NRG2: variants seen among roughly 807,000 people sequenced by gnomAD.
The protein encoded by NRG2 is neuregulin 2, also known as pro-neuregulin-2, membrane-bound isoform.
A neutral mutation model predicts 73.9 loss-of-function variants in NRG2; 27 were observed. The ratio of observed to expected loss-of-function variants is 0.37; its 90% confidence interval spans 0.27 to 0.50. The LOEUF (loss-of-function observed/expected upper bound fraction) is 0.50. Ranked by LOEUF, NRG2 falls within the 20% of genes least tolerant of loss-of-function variation. The pLI is 0.96. For synonymous variants in NRG2, 532 were observed against 541.0 expected (o/e 0.98, Z 0.23); for missense variants, 1,126 against 1,210.1 (o/e 0.93, Z 1.03).
intron 2 of NRG2, 52 bp from the exon 3 acceptor site, chr5:139,881,026 G>A: frequency 1.3e-6 from 2 of 1,505,828 alleles, no homozygotes; most frequent in South Asian, 2.3e-5. Flanking sequence ...GGCCGGCTGT[G>A]GCTCCCCAGC....
chr5:139,897,937 C>T (rs1764647191), intron 1 of NRG2, among the ~76,000 whole-genome samples: 1 of 152,236 alleles, frequency 6.6e-6, no homozygotes, highest in Non-Finnish European at 1.5e-5. Flanking sequence ...GGGCAGCCTC[C>T]TTCCATGAGA....
chr5:139,920,861 T>G (rs1247412881), intron 1 of NRG2, among the ~76,000 whole-genome samples: 1 of 152,168 alleles, frequency 6.6e-6, no homozygotes, highest in East Asian at 1.9e-4. Context: ...TCTGAGGAGG[T>G]ATCTGTTTCA....
chr5:139,899,152 G>A (rs1035987080), intron 1 of NRG2, among the ~76,000 whole-genome samples: 2 of 152,234 alleles, frequency 1.3e-5, no homozygotes, highest in Non-Finnish European at 2.9e-5. Flanking sequence ...TGACACTGAG[G>A]AGCTGGGTTA....
intron 1 of NRG2, among the ~76,000 whole-genome samples, chr5:140,021,986 T>C (rs1452494073): frequency 6.6e-6 from 1 of 152,202 alleles, no homozygotes; most frequent in Non-Finnish European, 1.5e-5. Context: ...CTTCTAATTC[T>C]ACATCTCCAG....
chr5:139,958,623 C>T (rs1754819006), intron 1 of NRG2, among the ~76,000 whole-genome samples: 1 of 151,992 alleles, frequency 6.6e-6, no homozygotes, highest in African/African-American at 2.4e-5. Context: ...TAGGCCATGA[C>T]CAAATATGGA....
intron 9 of NRG2, 69 bp from the exon 10 acceptor site, chr5:139,848,766 T>TGGGTGGG: frequency 2.9e-5 from 1 of 34,414 alleles, no homozygotes; most frequent in Non-Finnish European, 5.3e-5. Flanking sequence ...GGGTTGGGGG[T>TGGGTGGG]GGGGTAGGGT....
intron 1 of NRG2, among the ~76,000 whole-genome samples, chr5:139,908,744 G>T (rs56412075): frequency 0.041 from 6,259 of 152,262 alleles, 450 homozygotes; most frequent in African/African-American, 0.14. Context: ...ACCACTGGTC[G>T]CAAGACCTGC....
chr5:139,867,876 G>GGGGCAA, intron 4 of NRG2, among the ~76,000 whole-genome samples: 1 of 151,692 alleles, frequency 6.6e-6, no homozygotes, highest in African/African-American at 2.4e-5. Flanking sequence ...AGGGGCAGGA[G>GGGGCAA]GGGCAAGGGG....
At chr5:139,966,473 A>G (rs1755526314) in intron 1 of NRG2, among the ~76,000 whole-genome samples, 1 of 152,176 alleles carries the variant, frequency 6.6e-6, no homozygotes, top group South Asian at 2.1e-4. Flanking sequence ...CAGAGGTAAG[A>G]TCAGAGGACC....
intron 1 of NRG2, among the ~76,000 whole-genome samples, chr5:139,942,575 A>T (rs1174674367): frequency 2.0e-5 from 3 of 152,236 alleles, no homozygotes; most frequent in Admixed American, 1.3e-4. Context: ...AAACAATAAT[A>T]AATGGTCATT....
chr5:139,858,154 C>A (rs779871291), intron 5 of NRG2, among the ~76,000 whole-genome samples: 1 of 152,210 alleles, frequency 6.6e-6, no homozygotes, highest in African/African-American at 2.4e-5. Context: ...CTGAGGCCCC[C>A]GGCTGCTTGG....
intron 1 of NRG2, among the ~76,000 whole-genome samples, chr5:139,973,156 C>CAAAAAAAA (rs58053481): frequency 1.1e-5 from 1 of 89,420 alleles, no homozygotes; most frequent in Non-Finnish European, 2.3e-5. Context: ...TAAGAATATG[C>CAAAAAAAA]AAAAAAAAAA....
At chr5:139,983,706 T>C (rs1580873444) in intron 1 of NRG2, among the ~76,000 whole-genome samples, 2 of 152,242 alleles carry the variant, frequency 1.3e-5, no homozygotes, top group Admixed American at 6.5e-5. Context: ...CCTATTTTAA[T>C]AGGTGGGACT....
At chr5:139,857,943 C>T (rs1183892019) in intron 5 of NRG2, among the ~76,000 whole-genome samples, 2 of 151,960 alleles carry the variant, frequency 1.3e-5, no homozygotes, top group Non-Finnish European at 2.9e-5. Context: ...AGGATGGTGT[C>T]ACCTCTCATC....
chr5:139,996,149 G>A (rs573671915), intron 1 of NRG2, among the ~76,000 whole-genome samples: 1 of 152,316 alleles, frequency 6.6e-6, no homozygotes, highest in South Asian at 2.1e-4. Context: ...CAGAAAATGA[G>A]TAAGCAAAAA....
chr5:139,899,579 C>A (rs1275830133), intron 1 of NRG2, among the ~76,000 whole-genome samples: 1 of 152,210 alleles, frequency 6.6e-6, no homozygotes, highest in Non-Finnish European at 1.5e-5. Context: ...AGGCTCAAGG[C>A]CTCAGTGCTA....
intron 1 of NRG2, among the ~76,000 whole-genome samples, chr5:139,989,891 C>CAT (rs1458749818): frequency 5.3e-5 from 8 of 151,238 alleles, no homozygotes; most frequent in Non-Finnish European, 1.0e-4. Context: ...TGGGTTCATG[C>CAT]CATTCTCCTG....
intron 1 of NRG2, among the ~76,000 whole-genome samples, chr5:139,938,903 A>AG: frequency 1.4e-5 from 1 of 69,214 alleles, no homozygotes; most frequent in Admixed American, 1.3e-4. Flanking sequence ...AAAGAAAGAA[A>AG]GAAAAGAAAG....
At chr5:139,937,386 C>T (rs770360475) in intron 1 of NRG2, among the ~76,000 whole-genome samples, 2 of 152,110 alleles carry the variant, frequency 1.3e-5, no homozygotes, top group Non-Finnish European at 2.9e-5. Flanking sequence ...AAATTAAATG[C>T]TTTTCCCTTA....
Sources: gnomAD v4.1 joint callset for allele counts (sites outside exome capture counted in the v4.1 genomes callset) on GRCh38, gnomAD v4.1.1 for gene constraint, MANE v1.5 for transcripts, NCBI Gene and HGNC (gene_info 2026-07-23, HGNC 2026-07-21) for gene names.